FHIT: variants seen among roughly 807,000 people sequenced by gnomAD.
FHIT encodes the protein fragile histidine triad diadenosine triphosphatase.
Under a neutral mutation model 17.9 loss-of-function variants are expected in FHIT, and 19 were observed. That is an observed-to-expected ratio of 1.06 (90% CI 0.74 to 1.56). The LOEUF (loss-of-function observed/expected upper bound fraction) is 1.56, where lower values mean the gene tolerates loss of function less well. Ranked by LOEUF, FHIT falls within the 40% of genes most tolerant of loss-of-function variation. The probability of loss-of-function intolerance (pLI) is 0.00; values close to 1 mark genes in which losing one functional copy is unlikely to be tolerated. For synonymous variants in FHIT, 81 were observed against 69.7 expected (o/e 1.16, Z -0.81); for missense variants, 248 against 189.2 (o/e 1.31, Z -1.82).
intron 8 of FHIT, among the ~76,000 whole-genome samples, chr3:59,761,818 G>A (rs1575613719): frequency 1.3e-5 from 2 of 151,934 alleles, no homozygotes; most frequent in South Asian, 2.1e-4. Flanking sequence ...GGCTGGTCTC[G>A]AACTCCTGAC....
chr3:60,073,099 A>G (rs1393702141), intron 5 of FHIT, among the ~76,000 whole-genome samples: 1 of 152,212 alleles, frequency 6.6e-6, no homozygotes, highest in African/African-American at 2.4e-5. Context: ...AGGTGTGAGT[A>G]ATTAGAAAAT....
intron 7 of FHIT, among the ~76,000 whole-genome samples, chr3:59,996,935 T>C (rs779872895): frequency 6.6e-6 from 1 of 152,142 alleles, no homozygotes; most frequent in Non-Finnish European, 1.5e-5. Flanking sequence ...ATCCTCATTA[T>C]GACAGTGCCT....
intron 2 of FHIT, among the ~76,000 whole-genome samples, chr3:61,122,130 C>T (rs1327287171): frequency 6.6e-6 from 1 of 152,186 alleles, no homozygotes; most frequent in East Asian, 1.9e-4. Flanking sequence ...GTAACCAAAA[C>T]AGCATGGTAC....
intron 3 of FHIT, among the ~76,000 whole-genome samples, chr3:60,963,013 C>T (rs1159676813): frequency 6.6e-6 from 1 of 152,158 alleles, no homozygotes. Flanking sequence ...GGTACCCGCT[C>T]CTCTTTGTAC....
At chr3:60,018,704 G>A (rs1390049721) in intron 5 of FHIT, among the ~76,000 whole-genome samples, 5 of 152,120 alleles carry the variant, frequency 3.3e-5, no homozygotes, top group Admixed American at 1.3e-4. Context: ...TCGGCCGGGC[G>A]CAGTGGCTCA....
chr3:60,970,809 T>A (rs1709972546), intron 3 of FHIT, among the ~76,000 whole-genome samples: 1 of 152,224 alleles, frequency 6.6e-6, no homozygotes, highest in Admixed American at 6.5e-5. Context: ...AGCTTTTTAT[T>A]ATGGATAATT....
At chr3:60,856,503 G>T (rs564004584) in intron 3 of FHIT, 1 of 152,142 alleles carries the variant, frequency 6.6e-6, no homozygotes, top group East Asian at 1.9e-4. Flanking sequence ...TCGTGCTCGG[G>T]AGAGAACATT....
intron 5 of FHIT, among the ~76,000 whole-genome samples, chr3:60,301,281 A>G (rs1479224733): frequency 4.6e-5 from 7 of 152,190 alleles, no homozygotes; most frequent in Admixed American, 6.6e-5. Context: ...AAAGCTGGAC[A>G]TATAAACTAG....
At chr3:61,101,834 C>T (rs767929984) in intron 2 of FHIT, among the ~76,000 whole-genome samples, 12 of 152,106 alleles carry the variant, frequency 7.9e-5, no homozygotes, top group Non-Finnish European at 1.0e-4. Flanking sequence ...TGGGAGTTCA[C>T]TTATGATTTA....
At chr3:60,634,643 G>C (rs1225745884) in intron 4 of FHIT, among the ~76,000 whole-genome samples, 2 of 152,176 alleles carry the variant, frequency 1.3e-5, no homozygotes, top group Non-Finnish European at 2.9e-5. Context: ...TGTGTGGCCA[G>C]AGTTTCCTCT....
At chr3:60,605,995 T>C (rs1187121713) in intron 4 of FHIT, among the ~76,000 whole-genome samples, 1 of 152,150 alleles carries the variant, frequency 6.6e-6, no homozygotes, top group African/African-American at 2.4e-5. Context: ...GACACAATTA[T>C]AGAAACCAGG....
At chr3:60,712,575 G>T (rs1304733288) in intron 4 of FHIT, among the ~76,000 whole-genome samples, 2 of 152,026 alleles carry the variant, frequency 1.3e-5, no homozygotes, top group African/African-American at 2.4e-5. Context: ...TAAAGGGATG[G>T]AGGAAGATCT....
chr3:60,222,978 G>C (rs1399879848), intron 5 of FHIT, among the ~76,000 whole-genome samples: 1 of 152,174 alleles, frequency 6.6e-6, no homozygotes, highest in Admixed American at 6.5e-5. Context: ...TAAAGAGTTT[G>C]CTAGGACTAG....
At chr3:60,248,038 G>C (rs1236104455) in intron 5 of FHIT, among the ~76,000 whole-genome samples, 2 of 152,108 alleles carry the variant, frequency 1.3e-5, no homozygotes, top group African/African-American at 2.4e-5. Flanking sequence ...CTTCAGAGTA[G>C]AATTTTACCA....
chr3:60,441,499 CTG>C (rs1391439482), intron 5 of FHIT, among the ~76,000 whole-genome samples: 1 of 151,562 alleles, frequency 6.6e-6, no homozygotes, highest in African/African-American at 2.4e-5. Flanking sequence ...CCTTGAACAA[CTG>C]TTTCTTTTTT....
chr3:60,704,066 T>C (rs562677955), intron 4 of FHIT, among the ~76,000 whole-genome samples: 1 of 152,108 alleles, frequency 6.6e-6, no homozygotes, highest in Non-Finnish European at 1.5e-5. Flanking sequence ...GTACATACCA[T>C]CTTCCTCCCA....
intron 5 of FHIT, among the ~76,000 whole-genome samples, chr3:60,362,100 A>C (rs1272091084): frequency 6.6e-6 from 1 of 152,172 alleles, no homozygotes; most frequent in Admixed American, 6.5e-5. Flanking sequence ...TATTGTGTGC[A>C]TTTGAAGTTT....
At chr3:60,308,095 G>A (rs1708766956) in intron 5 of FHIT, among the ~76,000 whole-genome samples, 1 of 152,040 alleles carries the variant, frequency 6.6e-6, no homozygotes. Flanking sequence ...CAGCAATCTT[G>A]GGAGTTGAAC....
rs35302096 is a variant in FHIT at position 60,449,999 on chromosome 3, CAAAAAA to C, written c.103+86855_103+86860del. 3.2e-4 allele frequency among the ~76,000 whole-genome samples: 21 copies of C among 65,066 alleles called. No individual in the cohort carries two copies. The East Asian group carries it at 4.3e-3, about 13-fold the overall frequency. 42.7% of individuals were successfully genotyped at this position (65,066 alleles called of 152,430 possible). On this transcript the variant is annotated intron_variant, in intron 5 of 9. Coordinates refer to ENST00000492590, the MANE Select transcript of FHIT (RefSeq NM_002012.4). The stretch of plus-strand genomic sequence containing the variant: ...GCCTGGCGACAGAGCTAGACTCTGT[CAAAAAA>C]AAAAAAAAAAAAAAAAAGGCATAAA...
Sources: gnomAD v4.1 joint callset for allele counts (sites outside exome capture counted in the v4.1 genomes callset) on GRCh38, gnomAD v4.1.1 for gene constraint, MANE v1.5 for transcripts, NCBI Gene and HGNC (gene_info 2026-07-23, HGNC 2026-07-21) for gene names.